Variants in TBXAS1 observed in about 807,000 individuals in gnomAD.
TBXAS1 encodes thromboxane-A synthase.
A neutral mutation model predicts 60.7 loss-of-function variants in TBXAS1; 48 were observed. The ratio of observed to expected loss-of-function variants is 0.79; its 90% CI spans 0.63 to 1.01. TBXAS1 has a LOEUF of 1.01. Ranked by LOEUF, TBXAS1 falls within the 50% of genes least tolerant of loss-of-function variation. The pLI is 0.00. For missense variants in TBXAS1, 685 were observed against 686.3 expected (o/e 1.00, Z 0.02); for synonymous variants, 287 against 269.7 (o/e 1.06, Z -0.63).
chr7:140,017,791 C>T lies in TBXAS1; in HGVS notation c.1485C>T (p.His495=), dbSNP rs778383067. ...TTGAGGTCAAGTTGACACTGCTCCA[C>T]GTGCTGCACAAGTTCCGGTTCCAAG... ...GLLEVKLTLL[H]VLHKFRFQAC... Residue 495 remains histidine (H), a synonymous_variant, in exon 12 of 13, where the codon CAC becomes CAT. Coordinates refer to ENST00000448866, the MANE Select transcript of TBXAS1 (RefSeq NM_001061.7). 15 of 1,614,088 alleles carry T rather than the reference C, an allele frequency of 9.3e-6. No homozygotes were observed. Among genetic ancestry groups the T allele is most frequent in the South Asian group, 4.4e-5 (4 of 91,084 alleles).
intron 1 of TBXAS1, among the ~76,000 whole-genome samples, chr7:139,847,804 T>C (rs965374421): frequency 2.6e-5 from 4 of 152,188 alleles, no homozygotes; most frequent in African/African-American, 9.7e-5. Context: ...TCTTTGGCAC[T>C]TTGCAATATT....
At chr7:139,944,628 C>G (rs1808554719) in intron 5 of TBXAS1, among the ~76,000 whole-genome samples, 1 of 152,144 alleles carries the variant, frequency 6.6e-6, no homozygotes, top group Admixed American at 6.5e-5. Flanking sequence ...GGAGTCTCCT[C>G]TTTGTAGTAG....
At chr7:140,002,019 C>T (rs1418095083) in intron 9 of TBXAS1, among the ~76,000 whole-genome samples, 1 of 152,290 alleles carries the variant, frequency 6.6e-6, no homozygotes, top group South Asian at 2.1e-4. Flanking sequence ...CTGGAAGCTC[C>T]GAGAGGCTAG....
At position 139,912,332 on chromosome 7, in the gene TBXAS1, G is replaced by C. The variant is rs1805591464; in HGVS notation, c.333+1011G>C. Reference sequence around the variant, plus strand: ...CCATTTTCCAAAAATAGGGAGATAGGCATTCTAGCAGAGAAGACCAGTAAC... The same window carrying C: ...CCATTTTCCAAAAATAGGGAGATAGCCATTCTAGCAGAGAAGACCAGTAAC... On this transcript the variant is annotated intron_variant, in intron 4 of 12. Coordinates refer to ENST00000448866, the MANE Select transcript of TBXAS1 (RefSeq NM_001061.7). Among the ~76,000 whole-genome samples the C allele has an allele frequency of 2.0e-5, 3 of 152,010 alleles. No homozygotes were observed. The South Asian group carries it at 6.2e-4, about 32-fold the overall frequency.
At chr7:139,882,531 A>G (rs8192816) in intron 3 of TBXAS1, among the ~76,000 whole-genome samples, 9,182 of 152,278 alleles carry the variant, frequency 0.06, 600 homozygotes, top group African/African-American at 0.16. Flanking sequence ...TTTGCTGCTG[A>G]TAAAAGTGCA....
chr7:139,994,922 G>A (rs1424984743), intron 9 of TBXAS1, among the ~76,000 whole-genome samples: 1 of 152,198 alleles, frequency 6.6e-6, no homozygotes, highest in Non-Finnish European at 1.5e-5. Context: ...CGACAGTGGG[G>A]GACTGATGCA....
intron 1 of TBXAS1, among the ~76,000 whole-genome samples, chr7:139,853,956 C>G (rs555628532): frequency 6.6e-6 from 1 of 152,258 alleles, no homozygotes; most frequent in East Asian, 1.9e-4. Context: ...CCTGGGTGGG[C>G]TCCTGGAGGA....
chr7:139,826,477 G>GAAGGA (rs1209209787), upstream of TBXAS1, among the ~76,000 whole-genome samples: 1 of 152,200 alleles, frequency 6.6e-6, no homozygotes, highest in Admixed American at 6.5e-5. Context: ...CAAATGGTCA[G>GAAGGA]AAGGAAAGGA....
At chr7:139,952,590 A>G (rs1569518544) in intron 5 of TBXAS1, 4 of 1,537,204 alleles carry the variant, frequency 2.6e-6, no homozygotes, top group South Asian at 1.2e-5. Flanking sequence ...AAAAGGTCAC[A>G]TGGGTGGCCA....
At chr7:139,952,462 T>A in intron 5 of TBXAS1, 1 of 1,420,630 alleles carries the variant, frequency 7.0e-7, no homozygotes, top group Non-Finnish European at 9.3e-7. Context: ...TGAGAAATGC[T>A]CAGAATGATG....
intron 3 of TBXAS1, among the ~76,000 whole-genome samples, chr7:139,885,164 A>T (rs1023336854): frequency 6.6e-6 from 1 of 152,180 alleles, no homozygotes; most frequent in Non-Finnish European, 1.5e-5. Flanking sequence ...TACCATGGAG[A>T]ACTGTATATC....
intron 4 of TBXAS1, chr7:139,913,419 C>G (rs920698749): frequency 1.4e-5 from 6 of 443,650 alleles, no homozygotes; most frequent in African/African-American, 9.8e-5. Context: ...AAAGGTACTC[C>G]CAGGAGCCTG....
intron 3 of TBXAS1, among the ~76,000 whole-genome samples, chr7:139,888,904 G>T (rs1803331945): frequency 6.7e-6 from 1 of 148,974 alleles, no homozygotes; most frequent in South Asian, 2.2e-4. Flanking sequence ...GAGTGGAGAA[G>T]GGGTGCAGGG....
chr7:139,888,478 T>C (rs944891087), intron 3 of TBXAS1, among the ~76,000 whole-genome samples: 1 of 152,210 alleles, frequency 6.6e-6, no homozygotes, highest in Non-Finnish European at 1.5e-5. Context: ...TTGCAATTGG[T>C]GGCTTCTCAA....
intron 3 of TBXAS1, among the ~76,000 whole-genome samples, chr7:139,884,803 G>A (rs887162083): frequency 6.6e-6 from 1 of 152,200 alleles, no homozygotes; most frequent in Non-Finnish European, 1.5e-5. Flanking sequence ...CCCTGAGAAA[G>A]GAGTCTAGGT....
At chr7:139,917,877 T>C (rs374092796) in intron 4 of TBXAS1, among the ~76,000 whole-genome samples, 45 of 152,316 alleles carry the variant, frequency 3.0e-4, no homozygotes, top group African/African-American at 1.1e-3. Context: ...CTTGCTCTGA[T>C]ATTTATGCCA....
At chr7:139,817,426 G>T (rs184144180) in intron 4 of TBXAS1, among the ~76,000 whole-genome samples, 9 of 152,174 alleles carry the variant, frequency 5.9e-5, no homozygotes, top group African/African-American at 1.9e-4. Flanking sequence ...CCCCCCTGCC[G>T]GCCCCTCCCT....
At chr7:139,893,844 T>C (rs1348905087) in intron 3 of TBXAS1, among the ~76,000 whole-genome samples, 2 of 152,228 alleles carry the variant, frequency 1.3e-5, no homozygotes, top group Non-Finnish European at 2.9e-5. Context: ...ATAAATTAGA[T>C]GGGTGGGTAT....
chr7:139,984,104 A>G (rs1812158658), intron 9 of TBXAS1, among the ~76,000 whole-genome samples: 1 of 152,188 alleles, frequency 6.6e-6, no homozygotes, highest in African/African-American at 2.4e-5. Flanking sequence ...CCTGGCTTAA[A>G]GCTGCTGGAC....
Sources: allele counts gnomAD v4.1 joint callset (sites outside exome capture counted in the v4.1 genomes callset), GRCh38; gene constraint gnomAD v4.1.1; transcripts MANE v1.5; gene names NCBI Gene and HGNC (gene_info 2026-07-23, HGNC 2026-07-21).